The following AFF3 variants were observed in gnomAD, a reference collection of about 807,000 sequenced individuals.
AFF3 encodes ALF transcription elongation factor 3, also known as AF4/FMR2 family member 3.
Under a neutral mutation model 129.7 loss-of-function variants are expected in AFF3, and 32 were observed. The ratio of observed to expected loss-of-function variants is 0.25; its 90% CI spans 0.19 to 0.33. AFF3 has a LOEUF of 0.33. Ranked by LOEUF, AFF3 falls within the 10% of genes least tolerant of loss-of-function variation. The probability of loss-of-function intolerance (pLI) is 1.00; values close to 1 mark genes in which losing one functional copy is unlikely to be tolerated. For synonymous variants in AFF3, 644 were observed against 635.4 expected (o/e 1.01, Z -0.20); for missense variants, 1,373 against 1,592.0 (o/e 0.86, Z 2.34).
At chr2:99,735,181 CACATA>C (rs747458398) in intron 10 of AFF3, among the ~76,000 whole-genome samples, 109 of 152,202 alleles carry the variant, frequency 7.2e-4, no homozygotes, top group South Asian at 1.9e-3. Flanking sequence ...TATAATTTTG[CACATA>C]ACATATTTTT....
At chr2:99,740,059 G>A (rs57726776) in intron 10 of AFF3, among the ~76,000 whole-genome samples, 9,507 of 149,114 alleles carry the variant, frequency 0.064, 1,001 homozygotes, top group African/African-American at 0.22. Context: ...GAGAATATGC[G>A]GTGTTTGGTT....
chr2:100,111,169 C>A (rs78415054), intron 2 of AFF3, among the ~76,000 whole-genome samples: 1 of 152,214 alleles, frequency 6.6e-6, no homozygotes, highest in African/African-American at 2.4e-5. Context: ...CAAAATAAGA[C>A]CCTATGTGGC....
intron 10 of AFF3, among the ~76,000 whole-genome samples, chr2:99,730,725 G>A (rs979451152): frequency 1.2e-4 from 18 of 151,930 alleles, no homozygotes; most frequent in African/African-American, 4.4e-4. Flanking sequence ...ATATTGGCCA[G>A]GCTGGTCTCC....
intron 13 of AFF3, among the ~76,000 whole-genome samples, chr2:99,602,319 G>A (rs1042264888): frequency 7.2e-5 from 11 of 152,050 alleles, no homozygotes; most frequent in Non-Finnish European, 1.5e-4. Flanking sequence ...CGTATATTCC[G>A]GACTTTAAAA....
At chr2:99,674,966 C>T (rs567067642) in intron 11 of AFF3, among the ~76,000 whole-genome samples, 2 of 152,196 alleles carry the variant, frequency 1.3e-5, no homozygotes, top group South Asian at 2.1e-4. Flanking sequence ...CACGTAAACA[C>T]GCATCTGTTT....
intron 7 of AFF3, among the ~76,000 whole-genome samples, chr2:99,897,149 T>C (rs2106120746): frequency 6.6e-6 from 1 of 152,290 alleles, no homozygotes; most frequent in Non-Finnish European, 1.5e-5. Flanking sequence ...TACTACAAAA[T>C]AAATGAAAGG....
At chr2:99,669,163 C>A (rs933863886) in intron 12 of AFF3, among the ~76,000 whole-genome samples, 4 of 152,146 alleles carry the variant, frequency 2.6e-5, no homozygotes, top group Non-Finnish European at 5.9e-5. Flanking sequence ...AGCATTTATA[C>A]TTCTGGGCAT....
intron 13 of AFF3, among the ~76,000 whole-genome samples, chr2:99,645,480 C>T (rs1333140688): frequency 6.6e-6 from 1 of 152,200 alleles, no homozygotes; most frequent in African/African-American, 2.4e-5. Context: ...TAAAAAAATT[C>T]TACTGTCCAG....
At chr2:99,808,222 G>C (rs550346247) in intron 8 of AFF3, among the ~76,000 whole-genome samples, 1 of 152,170 alleles carries the variant, frequency 6.6e-6, no homozygotes, top group Non-Finnish European at 1.5e-5. Flanking sequence ...GTGACTGTGG[G>C]TATGGAAGCT....
chr2:100,039,919 A>G (rs1685283534), intron 4 of AFF3, among the ~76,000 whole-genome samples: 1 of 152,164 alleles, frequency 6.6e-6, no homozygotes, highest in African/African-American at 2.4e-5. Context: ...TGCTGTCCCC[A>G]GCACAGAGCT....
At chr2:99,973,303 C>G (rs890106687) in intron 7 of AFF3, among the ~76,000 whole-genome samples, 1 of 152,178 alleles carries the variant, frequency 6.6e-6, no homozygotes, top group Admixed American at 6.5e-5. Flanking sequence ...CAAAGGACTT[C>G]TTTGTTAAGC....
intron 8 of AFF3, among the ~76,000 whole-genome samples, chr2:99,788,833 T>A (rs563901340): frequency 1.4e-4 from 21 of 152,312 alleles, no homozygotes; most frequent in South Asian, 2.1e-4. Context: ...ATACTATTTT[T>A]AAAAAATCTT....
At chr2:100,065,735 C>A (rs965433057) in intron 4 of AFF3, among the ~76,000 whole-genome samples, 2 of 152,272 alleles carry the variant, frequency 1.3e-5, no homozygotes, top group East Asian at 3.9e-4. Context: ...ACTCAAAAAT[C>A]TATTCTCAAA....
chr2:99,983,956 C>G (rs1208332262), intron 7 of AFF3, among the ~76,000 whole-genome samples: 3 of 151,300 alleles, frequency 2.0e-5, no homozygotes, highest in African/African-American at 7.3e-5. Flanking sequence ...GGTTTTCAAG[C>G]ATGAGAAAGA....
chr2:99,614,697 T>A (rs1681246721), intron 13 of AFF3, among the ~76,000 whole-genome samples: 1 of 152,238 alleles, frequency 6.6e-6, no homozygotes, highest in Non-Finnish European at 1.5e-5. Flanking sequence ...GTTTATAGCA[T>A]CACTACCTGA....
intron 7 of AFF3, among the ~76,000 whole-genome samples, chr2:99,979,797 CCTTTT>C (rs1679232652): frequency 2.0e-5 from 3 of 152,126 alleles, no homozygotes; most frequent in Admixed American, 2.0e-4. Flanking sequence ...CTGTTCTTTA[CCTTTT>C]ATTTTTAAAA....
Position 100,007,019 on chromosome 2 carries a change from T to C in AFF3, c.488-2A>G. The C allele has an allele frequency of 6.2e-7, 1 of 1,603,386 alleles. No homozygotes were observed. Among genetic ancestry groups the C allele is most frequent in the Non-Finnish European group, 8.5e-7 (1 of 1,173,606 alleles). The stretch of plus-strand genomic sequence containing the variant: ...AGGTCCTGAGAGAGCCCTGTTGTGC[T>C]GAGTTGGAAGAAGAAGAAGAGGAAG... On this transcript the variant is annotated splice_acceptor_variant, in intron 6 of 24. Transcript: ENST00000672756. LOFTEE classifies it high-confidence loss of function.
intron 13 of AFF3, among the ~76,000 whole-genome samples, chr2:99,636,254 G>A (rs1683642916): frequency 6.6e-6 from 1 of 152,178 alleles, no homozygotes; most frequent in South Asian, 2.1e-4. Flanking sequence ...CACTGGCTGG[G>A]AACAGGGTGA....
At chr2:99,659,307 C>T (rs1558711424) in intron 12 of AFF3, among the ~76,000 whole-genome samples, 1 of 152,202 alleles carries the variant, frequency 6.6e-6, no homozygotes. Context: ...CACATGCATA[C>T]ATGTGCCTGT....
Sources: gnomAD v4.1 joint callset for allele counts (sites outside exome capture counted in the v4.1 genomes callset) on GRCh38, gnomAD v4.1.1 for gene constraint, MANE v1.5 for transcripts, NCBI Gene and HGNC (gene_info 2026-07-23, HGNC 2026-07-21) for gene names.